PIAS1: variants seen among roughly 807,000 people sequenced by gnomAD.
PIAS1 encodes the protein protein inhibitor of activated STAT 1, also known as E3 SUMO-protein ligase PIAS1.
PIAS1 carries 6 observed loss-of-function variants against 71.3 expected under a neutral mutation model. That is an observed-to-expected ratio of 0.08 (90% CI 0.05 to 0.17). The LOEUF (loss-of-function observed/expected upper bound fraction) is 0.17. Ranked by LOEUF, PIAS1 falls within the 10% of genes least tolerant of loss-of-function variation. The pLI is 1.00. For missense variants in PIAS1, 555 were observed against 793.6 expected, an observed-to-expected ratio of 0.70 and a Z score of 3.61; for synonymous variants, 303 against 292.9, an observed-to-expected ratio of 1.03 and a Z score of -0.35.
intron 1 of PIAS1, among the ~76,000 whole-genome samples, chr15:68,060,039 G>A (rs1316343608): frequency 6.6e-6 from 1 of 152,094 alleles, no homozygotes; most frequent in Non-Finnish European, 1.5e-5. Flanking sequence ...TTAAATGATG[G>A]CAGATACAGG....
chr15:68,124,019 C>T (rs748445691), intron 2 of PIAS1, among the ~76,000 whole-genome samples: 14 of 152,024 alleles, frequency 9.2e-5, no homozygotes, highest in Non-Finnish European at 1.5e-4. Flanking sequence ...TGTACACATA[C>T]GTGTGTACAT....
chr15:68,187,918 T>G lies in PIAS1; in HGVS notation c.*83T>G. 7.8e-7 allele frequency: 1 copy of G among 1,276,798 alleles called. No individual in the cohort carries two copies. The highest frequency in any genetic ancestry group is 1.4e-5 in the South Asian group (1 of 70,604). 79.1% of individuals were successfully genotyped at this position (1,276,798 alleles called of 1,614,324 possible). A position where few individuals can be genotyped will look rare whatever the true frequency, so the allele number is the denominator to read the frequency against. On this transcript the variant is annotated 3_prime_UTR_variant, in exon 14 of 14. Coordinates refer to ENST00000249636, the MANE Select transcript of PIAS1 (RefSeq NM_016166.3). This position sits in a 1 kb window ranked among gnomAD's most constrained non-coding sequence, Gnocchi z 5.3. ...AGAGAACTTTGTGCTCTGTTTTACC[T>G]TACTCTGTTTAGAAAAGTATACAAG... is the stretch of plus-strand genomic sequence containing the variant.
chr15:68,155,461 A>AC (rs1446011881), intron 7 of PIAS1, among the ~76,000 whole-genome samples: 2 of 151,226 alleles, frequency 1.3e-5, no homozygotes, highest in Non-Finnish European at 2.9e-5. Context: ...AAAAAAAAAA[A>AC]AAAAAAAAAA....
chr15:68,128,418 G>T (rs2092667462), intron 2 of PIAS1, among the ~76,000 whole-genome samples: 1 of 152,176 alleles, frequency 6.6e-6, no homozygotes, highest in Non-Finnish European at 1.5e-5. Flanking sequence ...AAAGTGCTGG[G>T]ATTACAGGTG....
intron 2 of PIAS1, among the ~76,000 whole-genome samples, chr15:68,094,375 AAT>A (rs201688724): frequency 2.0e-5 from 3 of 151,724 alleles, no homozygotes; most frequent in African/African-American, 4.8e-5. Context: ...AAATATTTGA[AAT>A]ATATATATAT....
chr15:68,182,647 C>T (rs1015777825), intron 12 of PIAS1, among the ~76,000 whole-genome samples: 9 of 152,100 alleles, frequency 5.9e-5, no homozygotes, highest in Non-Finnish European at 1.2e-4. Flanking sequence ...CTCAAACTCC[C>T]GACCTCAGGT....
chr15:68,115,434 C>T (rs138337730), intron 2 of PIAS1, among the ~76,000 whole-genome samples: 1,530 of 152,034 alleles, frequency 0.01, 22 homozygotes, highest in African/African-American at 0.034. Context: ...TTGCTAAATT[C>T]GATTGTTCTA....
rs553998115 is a variant in PIAS1, at chr15:68,165,224, C to T, written c.1008+420C>T. Among the ~76,000 whole-genome samples the T allele has an allele frequency of 1.8e-4, 28 of 152,210 alleles. No homozygotes were observed. In the South Asian group the frequency reaches 5.2e-3, roughly 28 times the overall value. On this transcript the variant is annotated intron_variant, in intron 8 of 13. Transcript: ENST00000249636. ...ACAACCTCTGCCTCCCGGGTTCAGG[C>T]GATTCTCCTGCCTCAGCCTCCTGAG...
At position 68,191,254 on chromosome 15, in the gene PIAS1, T is replaced by A. The variant is rs1183732147; in HGVS notation, c.*3419T>A. 1.3e-5 allele frequency: 2 copies of A among 152,656 alleles called. No homozygotes were observed. The highest frequency in any genetic ancestry group is 4.8e-5 in the African/African-American group (2 of 41,464). The allele number at this position is 152,656 out of a possible 1,614,324, so 9.5% of individuals were successfully genotyped here. A position where few individuals can be genotyped will look rare whatever the true frequency, so the allele number is the denominator to read the frequency against. On this transcript the variant is annotated 3_prime_UTR_variant, in exon 14 of 14. Transcript: ENST00000249636. ...TCCATGAACTTAAATCTGTGATTCA[T>A]TGCCTTAAAACTTTCTCTCTTAGAA...
intron 1 of PIAS1, among the ~76,000 whole-genome samples, chr15:68,084,249 T>C (rs2092258101): frequency 6.6e-6 from 1 of 152,176 alleles, no homozygotes. Context: ...TTTGTACTTT[T>C]TTTTTCTGTA....
chr15:68,078,234 C>G (rs2140973596), intron 1 of PIAS1, among the ~76,000 whole-genome samples: 1 of 152,226 alleles, frequency 6.6e-6, no homozygotes, highest in South Asian at 2.1e-4. Context: ...TTTAAAAGAC[C>G]TACCTGTTTG....
chr15:68,103,274 T>TA (rs949382082), intron 2 of PIAS1, among the ~76,000 whole-genome samples: 4 of 41,216 alleles, frequency 9.7e-5, no homozygotes, highest in Admixed American at 5.2e-4. Flanking sequence ...TAAAATGATA[T>TA]TTTTTTTTCT....
chr15:68,189,609 GAAA>G lies in PIAS1; in HGVS notation c.*1782_*1784del, dbSNP rs375266651. 6.7e-6 allele frequency: 1 copy of G among 148,518 alleles called. No individual in the cohort carries two copies. Among genetic ancestry groups the G allele is most frequent in the African/African-American group, 2.5e-5 (1 of 40,598 alleles). The allele number at this position is 148,518 out of a possible 1,614,324, so 9.2% of individuals were successfully genotyped here. On this transcript the variant is annotated 3_prime_UTR_variant, in exon 14 of 14. Transcript: ENST00000249636. ...ACTAAATTGTTGACTTGAATTTTGG[GAAA>G]AAAAAAAGTTGGTGTTGATATGTAT...
At chr15:68,125,820 C>T (rs1011347512) in intron 2 of PIAS1, among the ~76,000 whole-genome samples, 36 of 152,056 alleles carry the variant, frequency 2.4e-4, no homozygotes, top group African/African-American at 6.3e-4. Context: ...CCTGCCTCAG[C>T]GTCCTGAGTA....
In PIAS1 at chr15:68,086,856, T is replaced by C; in HGVS notation, c.469+106T>C. 2 of 625,020 alleles carry C rather than the reference T, an allele frequency of 3.2e-6. No individual in the cohort carries two copies. The highest frequency in any genetic ancestry group is 1.8e-5 in the African/African-American group (1 of 54,436). The allele number at this position is 625,020 out of a possible 1,614,324, so 38.7% of individuals were successfully genotyped here. A position where few individuals can be genotyped will look rare whatever the true frequency, so the allele number is the denominator to read the frequency against. On this transcript the variant is annotated intron_variant, in intron 2 of 13. Transcript: ENST00000249636. The surrounding 1 kb of genome is among the most constrained non-coding windows in gnomAD (Gnocchi z 7.2). ...TATTCATAATGAAATTTTCATTTGATAGTAACAGCTGGATAATAATGAAGA... is the reference window on the plus strand; with the variant it reads ...TATTCATAATGAAATTTTCATTTGACAGTAACAGCTGGATAATAATGAAGA...
rs147061432 is a variant in PIAS1 at position 68,126,898 on chromosome 15, G to A, written c.470-15048G>A. ...GAAGGCTTTCCTCTGATACTTAGTC[G>A]TGCTGGCATGTCTGTTCATTTTTTT... On this transcript the variant is annotated intron_variant, in intron 2 of 13. Transcript: ENST00000249636. Among the ~76,000 whole-genome samples, 25 of 150,758 alleles carry A rather than the reference G, an allele frequency of 1.7e-4. No homozygotes were observed. The East Asian group carries it at 2.7e-3, about 16-fold the overall frequency.
intron 1 of PIAS1, chr15:68,055,863 T>G (rs2091890707): frequency 1.4e-6 from 1 of 697,008 alleles, no homozygotes; most frequent in Non-Finnish European, 2.6e-6. Context: ...CCGAAAGAGC[T>G]TTTCTCCTAA....
rs146475996 is a variant in PIAS1 at position 68,105,926 on chromosome 15, A to G, written c.469+19176A>G. Among the ~76,000 whole-genome samples the G allele has an allele frequency of 2.6e-4, 40 of 152,328 alleles. 1 individual carries two copies. The East Asian group carries it at 3.3e-3, about 12-fold the overall frequency. On this transcript the variant is annotated intron_variant, in intron 2 of 13. Coordinates refer to ENST00000249636, the MANE Select transcript of PIAS1 (RefSeq NM_016166.3). ...CATAGGTTAGATTTTTCAATATAAA[A>G]TTAGAGGATAGGCACATTCTTTCTT...
intron 2 of PIAS1, among the ~76,000 whole-genome samples, chr15:68,094,753 C>T (rs28563989): frequency 0.011 from 1,715 of 152,248 alleles, 31 homozygotes; most frequent in African/African-American, 0.04. Context: ...CTGTGCTCCT[C>T]TATACTTGAA....
Sources: allele counts gnomAD v4.1 joint callset (sites outside exome capture counted in the v4.1 genomes callset), GRCh38; gene constraint gnomAD v4.1.1; non-coding constraint Gnocchi (gnomAD v3.1); transcripts MANE v1.5; gene names NCBI Gene and HGNC (gene_info 2026-07-23, HGNC 2026-07-21).